TRAF3: variants seen among roughly 807,000 people sequenced by gnomAD.
TRAF3 encodes the protein TNF receptor associated factor 3.
A neutral mutation model predicts 62.3 loss-of-function variants in TRAF3; 13 were observed. That is an observed-to-expected ratio of 0.21 (90% confidence interval 0.14 to 0.33). The LOEUF is 0.33. TRAF3 is among the 10% of genes least tolerant of loss of function. The probability of loss-of-function intolerance (pLI) is 1.00; values close to 1 mark genes in which losing one functional copy is unlikely to be tolerated. For missense variants in TRAF3, 440 were observed against 741.8 expected, an observed-to-expected ratio of 0.59 and a Z score of 4.73; for synonymous variants, 269 against 283.4, an observed-to-expected ratio of 0.95 and a Z score of 0.51.
intron 1 of TRAF3, among the ~76,000 whole-genome samples, chr14:102,802,532 T>C (rs973173735): frequency 1.1e-4 from 17 of 148,084 alleles, no homozygotes; most frequent in Admixed American, 9.4e-4. Context: ...CACGCTGCTA[T>C]GAAAAAATAC....
Position 102,903,626 on chromosome 14 carries a change from C to A in TRAF3, c.1135+197C>A. The A allele has an allele frequency of 1.2e-6, 1 of 813,748 alleles. No individual in the cohort carries two copies. The highest frequency in any genetic ancestry group is 2.0e-6 in the Non-Finnish European group (1 of 491,956). 50.4% of individuals were successfully genotyped at this position (813,748 alleles called of 1,614,324 possible). A position where few individuals can be genotyped will look rare whatever the true frequency, so the allele number is the denominator to read the frequency against. ...CAAAGACAAACGTTTCCCGCGCAGGCTTGTCCCCTCCGTGTGAGGCCCTAC... is the reference window on the plus strand; with the variant it reads ...CAAAGACAAACGTTTCCCGCGCAGGATTGTCCCCTCCGTGTGAGGCCCTAC... On this transcript the variant is annotated intron_variant, in intron 11 of 11. Coordinates refer to ENST00000392745, the MANE Select transcript of TRAF3 (RefSeq NM_145725.3). The surrounding 1 kb of genome is among the most constrained non-coding windows in gnomAD (Gnocchi z 6.4).
At chr14:102,820,600 ATATATATATATATATTTTTTTTTT>A (rs1899881112) in intron 1 of TRAF3, among the ~76,000 whole-genome samples, 1 of 13,284 alleles carries the variant, frequency 7.5e-5, no homozygotes, top group South Asian at 3.4e-3. Context: ...ATATATATAT[ATATATATATATATATTTTTTTTTT>A]TTTTTTTTTT....
Position 102,903,227 on chromosome 14 carries a change from T to C in TRAF3, c.961-28T>C, listed in dbSNP as rs1566810288. 6.2e-7 allele frequency: 1 copy of C among 1,614,162 alleles called. No homozygotes were observed. The highest frequency in any genetic ancestry group is 8.5e-7 in the Non-Finnish European group (1 of 1,180,020). ...GCATTTTCCGAGTCCTAACTGTGTT[T>C]TGCTTTTTAACACCTTTGGTTTGGA... On this transcript the variant is annotated intron_variant, in intron 10 of 11. Coordinates refer to ENST00000392745, the MANE Select transcript of TRAF3 (RefSeq NM_145725.3). This position sits in a 1 kb window ranked among gnomAD's most constrained non-coding sequence, Gnocchi z 6.4.
intron 6 of TRAF3, among the ~76,000 whole-genome samples, chr14:102,879,655 C>T (rs1170319116): frequency 2.0e-5 from 3 of 149,918 alleles, no homozygotes; most frequent in Admixed American, 6.7e-5. Context: ...AAAGTAATTG[C>T]GTTTTTTGCC....
intron 1 of TRAF3, among the ~76,000 whole-genome samples, chr14:102,821,615 A>T (rs1275519059): frequency 6.6e-6 from 1 of 152,204 alleles, no homozygotes. Context: ...TCTTTGCTTC[A>T]GATGTATTAT....
chr14:102,885,003 C>T (rs553392382), intron 6 of TRAF3, among the ~76,000 whole-genome samples: 6 of 152,246 alleles, frequency 3.9e-5, no homozygotes, highest in African/African-American at 9.6e-5. Context: ...GAAAGTCGAA[C>T]ACAGAAAGTT....
At chr14:102,783,168 C>T (rs968094485) in intron 1 of TRAF3, among the ~76,000 whole-genome samples, 3 of 152,174 alleles carry the variant, frequency 2.0e-5, no homozygotes, top group African/African-American at 7.2e-5. Context: ...AGGGATGTGC[C>T]AGATGCCCAC....
chr14:102,837,580 A>G (rs1051210590), intron 2 of TRAF3, among the ~76,000 whole-genome samples: 2 of 152,158 alleles, frequency 1.3e-5, no homozygotes, highest in African/African-American at 4.8e-5. Flanking sequence ...TGTGAATGTC[A>G]TATATGAGTC....
intron 1 of TRAF3, among the ~76,000 whole-genome samples, chr14:102,798,204 A>C (rs1213856476): frequency 6.6e-6 from 1 of 151,798 alleles, no homozygotes; most frequent in African/African-American, 2.4e-5. Flanking sequence ...CACTGACCAA[A>C]TCTAGCTTAG....
At chr14:102,795,623 T>A (rs1325226063) in intron 1 of TRAF3, among the ~76,000 whole-genome samples, 2 of 151,962 alleles carry the variant, frequency 1.3e-5, no homozygotes, top group Non-Finnish European at 2.9e-5. Context: ...TGTGTGTGCA[T>A]AGTTTTCATC....
chr14:102,864,141 C>CT (rs1887837153), intron 2 of TRAF3, among the ~76,000 whole-genome samples: 1 of 147,852 alleles, frequency 6.8e-6, no homozygotes. Context: ...CGGTTTTTGC[C>CT]TTTTTCTTTT....
chr14:102,861,458 C>T (rs1189324265), intron 2 of TRAF3, among the ~76,000 whole-genome samples: 1 of 152,142 alleles, frequency 6.6e-6, no homozygotes, highest in Non-Finnish European at 1.5e-5. Flanking sequence ...GCACCTTTAT[C>T]CCTCTCTTAG....
At chr14:102,891,744 G>A (rs1057330877) in intron 9 of TRAF3, among the ~76,000 whole-genome samples, 1 of 151,828 alleles carries the variant, frequency 6.6e-6, no homozygotes, top group Non-Finnish European at 1.5e-5. Context: ...TTGGAAGACA[G>A]CCATCCTTAC....
chr14:102,867,420 C>T (rs759910868), intron 2 of TRAF3, among the ~76,000 whole-genome samples: 1 of 152,066 alleles, frequency 6.6e-6, no homozygotes, highest in Non-Finnish European at 1.5e-5. Context: ...ATCTAGGGGA[C>T]GCATCCTGGA....
intron 2 of TRAF3, among the ~76,000 whole-genome samples, chr14:102,851,614 G>A (rs1400120989): frequency 1.3e-5 from 2 of 152,186 alleles, no homozygotes; most frequent in African/African-American, 4.8e-5. Flanking sequence ...CCTGGTGGCG[G>A]GCACCTGTAG....
chr14:102,862,584 G>A (rs1037782108), intron 2 of TRAF3, among the ~76,000 whole-genome samples: 1 of 151,970 alleles, frequency 6.6e-6, no homozygotes, highest in African/African-American at 2.4e-5. Flanking sequence ...AGTGTGTCTG[G>A]GTGTGGCTCT....
chr14:102,868,557 A>T (rs1320330627), intron 2 of TRAF3, among the ~76,000 whole-genome samples: 1 of 152,184 alleles, frequency 6.6e-6, no homozygotes, highest in Admixed American at 6.5e-5. Context: ...CTTTTCCAAG[A>T]AAGTTCATGG....
chr14:102,824,408 G>C (rs1388998590), intron 1 of TRAF3, among the ~76,000 whole-genome samples: 1 of 152,220 alleles, frequency 6.6e-6, no homozygotes, highest in East Asian at 1.9e-4. Context: ...AATAAATTTT[G>C]TGTGTATTTT....
chr14:102,824,314 T>C (rs1900163115), intron 1 of TRAF3, among the ~76,000 whole-genome samples: 1 of 152,238 alleles, frequency 6.6e-6, no homozygotes, highest in Admixed American at 6.5e-5. Flanking sequence ...GTCTCTTTCC[T>C]TCCTAAGACC....
Sources: allele counts gnomAD v4.1 joint callset (sites outside exome capture counted in the v4.1 genomes callset), GRCh38; gene constraint gnomAD v4.1.1; non-coding constraint Gnocchi (gnomAD v3.1); transcripts MANE v1.5; gene names NCBI Gene and HGNC (gene_info 2026-07-23, HGNC 2026-07-21).